Variants in GPR149 observed in about 807,000 individuals in gnomAD.
GPR149 encodes G protein-coupled receptor 149, also known as probable G protein-coupled receptor 149.
Under a neutral mutation model 50.2 loss-of-function variants are expected in GPR149, and 50 were observed. The observed-to-expected ratio is 1.00, with a 90% confidence interval of 0.79 to 1.26. The LOEUF is 1.26. GPR149 is among the 50% of genes most tolerant of loss of function. GPR149 has a pLI of 0.00. For missense variants in GPR149, 983 were observed against 895.4 expected (o/e 1.10, Z -1.25); for synonymous variants, 405 against 358.2 (o/e 1.13, Z -1.48).
chr3:154,421,974 G>C (rs1375321492), intron 2 of GPR149, among the ~76,000 whole-genome samples: 1 of 151,160 alleles, frequency 6.6e-6, no homozygotes, highest in Non-Finnish European at 1.5e-5. Context: ...AAAATATTTT[G>C]GTATATAATT....
intron 3 of GPR149, among the ~76,000 whole-genome samples, chr3:154,357,818 C>T (rs892714951): frequency 1.3e-5 from 2 of 152,308 alleles, no homozygotes; most frequent in South Asian, 4.1e-4. Context: ...ATAAATCATG[C>T]TGCTATAAAG....
Position 154,421,143 on chromosome 3 carries a change from A to G in GPR149, c.1519T>C (p.Phe507Leu). The G allele has an allele frequency of 6.2e-7, 1 of 1,613,344 alleles. No individual in the cohort carries two copies. The highest frequency in any genetic ancestry group is 1.1e-5 in the South Asian group (1 of 91,046). ...AGTCTTCTTTCTGGCCCTTCAGAAA[A>G]GGTAGTTTCTTCATAGTTAATATCA... ...GGDINYEETT[F>L]SEGPERRLSH... The change falls in exon 3 of 4, where the codon TTT becomes CTT. Residue 507 changes from phenylalanine to leucine, a missense_variant. By Grantham distance (22) the Phe-to-Leu change is conservative (BLOSUM62 0). Transcript: ENST00000389740.
chr3:154,378,472 C>T (rs1407798634), intron 3 of GPR149, among the ~76,000 whole-genome samples: 1 of 152,156 alleles, frequency 6.6e-6, no homozygotes, highest in Non-Finnish European at 1.5e-5. Context: ...ATGAACAATG[C>T]TGTTGTAACC....
At chr3:154,399,340 T>C (rs1403417526) in intron 3 of GPR149, among the ~76,000 whole-genome samples, 1 of 152,202 alleles carries the variant, frequency 6.6e-6, no homozygotes, top group Non-Finnish European at 1.5e-5. Context: ...ACTGCAACTC[T>C]CATATAAAAG....
intron 3 of GPR149, among the ~76,000 whole-genome samples, chr3:154,344,790 A>G (rs888473638): frequency 2.0e-5 from 3 of 152,312 alleles, no homozygotes; most frequent in African/African-American, 7.2e-5. Flanking sequence ...TAGAGGGAGC[A>G]TGGTCTTCCC....
intron 3 of GPR149, among the ~76,000 whole-genome samples, chr3:154,410,359 T>C (rs1711802079): frequency 6.6e-6 from 1 of 152,092 alleles, no homozygotes; most frequent in Non-Finnish European, 1.5e-5. Flanking sequence ...ATAGCATGAT[T>C]AATAGAATAG....
At chr3:154,422,394 C>CAAGATATAATTT (rs1712171915) in intron 2 of GPR149, among the ~76,000 whole-genome samples, 1 of 151,452 alleles carries the variant, frequency 6.6e-6, no homozygotes, top group South Asian at 2.1e-4. Context: ...AGGTGGTAGA[C>CAAGATATAATTT]AAGATATAAT....
intron 3 of GPR149, among the ~76,000 whole-genome samples, chr3:154,350,203 AAAAAG>A (rs907670497): frequency 2.0e-5 from 3 of 152,090 alleles, no homozygotes; most frequent in Non-Finnish European, 2.9e-5. Flanking sequence ...CTCAAAAATA[AAAAAG>A]AAAAGAAAAG....
intron 3 of GPR149, among the ~76,000 whole-genome samples, chr3:154,342,793 C>T (rs151238215): frequency 1.3e-5 from 2 of 152,060 alleles, no homozygotes; most frequent in African/African-American, 4.8e-5. Context: ...AGAAAAAAAC[C>T]CCAGCAGAAA....
At chr3:154,369,599 A>T (rs772363606) in intron 3 of GPR149, among the ~76,000 whole-genome samples, 48 of 152,316 alleles carry the variant, frequency 3.2e-4, no homozygotes, top group Non-Finnish European at 3.1e-4. Flanking sequence ...TGAGCCAGGC[A>T]CCCAAACTAT....
At chr3:154,413,921 C>T (rs1711912874) in intron 3 of GPR149, among the ~76,000 whole-genome samples, 1 of 142,894 alleles carries the variant, frequency 7.0e-6, no homozygotes. Context: ...CAACAATCAA[C>T]GAGTTGATAA....
rs751735183 is a variant in GPR149 at position 154,429,515 on chromosome 3, A to C, written c.101T>G (p.Ile34Ser). 86 of 1,614,024 alleles carry C rather than the reference A, an allele frequency of 5.3e-5. No homozygotes were observed. The highest frequency in any genetic ancestry group is 1.0e-5 in the Non-Finnish European group (12 of 1,180,026). ...GAGACATGTCAAGCAAAAAAGATAG[A>C]TATTCAGGGTTCCTGGCGGATTTAA... The part of the protein sequence containing the change: ...DLLNPPGTLN[I>S]YLFCLTCLMT... The change falls in exon 1 of 4, where the codon ATC (isoleucine) becomes AGC (serine). Residue 34 changes from isoleucine to serine, a missense_variant. Coordinates refer to ENST00000389740, the MANE Select transcript of GPR149 (RefSeq NM_001038705.3).
At chr3:154,379,432 T>C (rs1230727524) in intron 3 of GPR149, among the ~76,000 whole-genome samples, 6 of 152,110 alleles carry the variant, frequency 3.9e-5, no homozygotes, top group Admixed American at 3.9e-4. Flanking sequence ...GTTAAACTCT[T>C]ATTTATTTAC....
intron 3 of GPR149, among the ~76,000 whole-genome samples, chr3:154,419,368 C>G (rs1243645151): frequency 6.6e-6 from 1 of 151,998 alleles, no homozygotes; most frequent in Non-Finnish European, 1.5e-5. Flanking sequence ...ACTTTCCAAA[C>G]TATAACCAAG....
chr3:154,352,740 A>G, intron 3 of GPR149: 1 of 789,236 alleles, frequency 1.3e-6, no homozygotes, highest in Admixed American at 1.7e-5. Context: ...CGGAAGTCAG[A>G]AACCTGATGG....
chr3:154,341,279 G>GA (rs1294034852), intron 3 of GPR149, among the ~76,000 whole-genome samples: 1 of 62,296 alleles, frequency 1.6e-5, no homozygotes, highest in East Asian at 6.6e-4. Context: ...AAAAAATCAA[G>GA]AAAAAAATAA....
chr3:154,421,618 C>A, intron 2 of GPR149, 131 bp from the exon 3 acceptor site: 1 of 513,758 alleles, frequency 1.9e-6, no homozygotes, highest in East Asian at 3.1e-5. Context: ...TCTTCATTTA[C>A]TTTTTGTCAG....
chr3:154,391,182 G>A lies in GPR149; in HGVS notation c.1623+29857C>T, dbSNP rs541489957. ...CAAATACTATAATACTGTAATGGTA[G>A]TGGGTAAACTTTTAATCATAATATA... On this transcript the variant is annotated intron_variant, in intron 3 of 3. Coordinates refer to ENST00000389740, the MANE Select transcript of GPR149 (RefSeq NM_001038705.3). Among the ~76,000 whole-genome samples the A allele has an allele frequency of 8.5e-5, 13 of 152,078 alleles. No individual in the cohort carries two copies. In the East Asian group the frequency reaches 1.7e-3, roughly 20 times the overall value.
intron 3 of GPR149, among the ~76,000 whole-genome samples, chr3:154,409,204 C>A (rs192735803): frequency 3.2e-4 from 49 of 152,282 alleles, no homozygotes; most frequent in Middle Eastern, 3.4e-3. Flanking sequence ...GGGATCATCC[C>A]GTGGGACAAA....
Sources: allele counts gnomAD v4.1 joint callset (sites outside exome capture counted in the v4.1 genomes callset), GRCh38; gene constraint gnomAD v4.1.1; transcripts MANE v1.5; gene names NCBI Gene and HGNC (gene_info 2026-07-23, HGNC 2026-07-21).